The following THSD7A variants were observed in gnomAD, a reference collection of about 807,000 sequenced individuals.
THSD7A encodes the protein thrombospondin type 1 domain containing 7A.
In THSD7A, 96 loss-of-function variants were observed where a neutral mutation model predicts 231.3. The observed-to-expected ratio is 0.41, with a 90% CI of 0.35 to 0.49. The LOEUF is 0.49. Ranked by LOEUF, THSD7A falls within the 20% of genes least tolerant of loss-of-function variation. The pLI is 0.05. For missense variants in THSD7A, 2,290 were observed against 2,070.2 expected, an observed-to-expected ratio of 1.11 and a Z score of -2.06; for synonymous variants, 940 against 743.3, an observed-to-expected ratio of 1.26 and a Z score of -4.30.
chr7:11,810,604 G>A (rs1428805179), intron 1 of THSD7A, among the ~76,000 whole-genome samples: 1 of 152,170 alleles, frequency 6.6e-6, no homozygotes, highest in Non-Finnish European at 1.5e-5. Flanking sequence ...TGGAAATGGG[G>A]AGAATAACTT....
intron 23 of THSD7A, among the ~76,000 whole-genome samples, chr7:11,394,928 G>A (rs957875174): frequency 2.6e-5 from 4 of 152,140 alleles, no homozygotes; most frequent in Admixed American, 2.0e-4. Flanking sequence ...AAAATAACCA[G>A]CTAGGATCAC....
chr7:11,828,908 C>G (rs556678939), intron 1 of THSD7A, among the ~76,000 whole-genome samples: 1 of 152,124 alleles, frequency 6.6e-6, no homozygotes, highest in Non-Finnish European at 1.5e-5. Context: ...ACAAAACCAA[C>G]CCCTTATCTA....
At chr7:11,531,273 C>T (rs1788697207) in intron 6 of THSD7A, among the ~76,000 whole-genome samples, 1 of 152,124 alleles carries the variant, frequency 6.6e-6, no homozygotes, top group Non-Finnish European at 1.5e-5. Flanking sequence ...AAGCTATAGT[C>T]TCCTCACTGC....
chr7:11,677,720 G>A lies in THSD7A; in HGVS notation c.191-40759C>T, dbSNP rs572633550. On this transcript the variant is annotated intron_variant, in intron 1 of 27. Transcript: ENST00000423059. ...GTAAAGGGATCAATGCAACAAGAAG[G>A]CTTAGGCTGCCACACAATAATAGTG... Among the ~76,000 whole-genome samples the A allele has an allele frequency of 2.7e-5, 4 of 149,976 alleles. No individual in the cohort carries two copies. In the East Asian group the frequency reaches 5.9e-4, roughly 22 times the overall value.
chr7:11,776,642 C>A (rs1437799914), intron 1 of THSD7A, among the ~76,000 whole-genome samples: 1 of 151,954 alleles, frequency 6.6e-6, no homozygotes, highest in Non-Finnish European at 1.5e-5. Flanking sequence ...GTCATTAATT[C>A]TTTATACCAG....
At chr7:11,723,456 C>G (rs1000937566) in intron 1 of THSD7A, among the ~76,000 whole-genome samples, 2 of 151,130 alleles carry the variant, frequency 1.3e-5, no homozygotes, top group Non-Finnish European at 2.9e-5. Context: ...GCACATGTAC[C>G]CTAAAACTTA....
intron 23 of THSD7A, among the ~76,000 whole-genome samples, chr7:11,395,589 A>C (rs926515198): frequency 6.7e-6 from 1 of 148,506 alleles, no homozygotes; most frequent in African/African-American, 2.5e-5. Context: ...GTGCAGTGGC[A>C]CTATCTCAGC....
chr7:11,699,548 C>T (rs1046638069), intron 1 of THSD7A, among the ~76,000 whole-genome samples: 2 of 151,282 alleles, frequency 1.3e-5, no homozygotes, highest in East Asian at 2.0e-4. Context: ...TAACATAAAT[C>T]ATAAGTAAAA....
At chr7:11,647,473 G>C (rs1782326516) in intron 1 of THSD7A, among the ~76,000 whole-genome samples, 1 of 152,020 alleles carries the variant, frequency 6.6e-6, no homozygotes, top group African/African-American at 2.4e-5. Flanking sequence ...TTCGACTTAA[G>C]CCTCTAATAG....
At chr7:11,821,689 T>C (rs1427101249) in intron 1 of THSD7A, among the ~76,000 whole-genome samples, 1 of 152,150 alleles carries the variant, frequency 6.6e-6, no homozygotes, top group African/African-American at 2.4e-5. Flanking sequence ...GGACCATCTC[T>C]CTCTGACGTC....
intron 1 of THSD7A, among the ~76,000 whole-genome samples, chr7:11,675,402 C>T (rs746010524): frequency 4.6e-5 from 7 of 152,114 alleles, no homozygotes; most frequent in Non-Finnish European, 1.0e-4. Context: ...ACCTGGAATG[C>T]TAGCGAGACA....
chr7:11,467,630 T>C (rs2128300219), intron 9 of THSD7A, among the ~76,000 whole-genome samples: 1 of 152,254 alleles, frequency 6.6e-6, no homozygotes, highest in African/African-American at 2.4e-5. Context: ...GTGTTTTAGA[T>C]TTTTTATTTT....
At chr7:11,591,559 G>A (rs754467508) in intron 3 of THSD7A, among the ~76,000 whole-genome samples, 12 of 152,062 alleles carry the variant, frequency 7.9e-5, no homozygotes, top group African/African-American at 1.7e-4. Flanking sequence ...AAGGTTAAAC[G>A]GCCCTCAGAT....
rs1782160060 is a variant in THSD7A at position 11,373,882 on chromosome 7, G to T, written c.*1912C>A. ...GCTAGTGTCCTCTCTCACAAAGGTT[G>T]TTGCAATAATGTTGCCTGAAAATGG... On this transcript the variant is annotated 3_prime_UTR_variant, in exon 28 of 28. Transcript: ENST00000423059. The T allele has an allele frequency of 6.6e-6, 1 of 152,032 alleles. No individual in the cohort carries two copies. The allele number at this position is 152,032 out of a possible 1,614,324, so 9.4% of individuals were successfully genotyped here. A position where few individuals can be genotyped will look rare whatever the true frequency, so the allele number is the denominator to read the frequency against.
chr7:11,548,049 A>G (rs1250883526), intron 4 of THSD7A, among the ~76,000 whole-genome samples: 1 of 152,098 alleles, frequency 6.6e-6, no homozygotes, highest in Non-Finnish European at 1.5e-5. Context: ...AAAAACCCAC[A>G]AGCAAAACAA....
At chr7:11,691,097 TG>T (rs1176972848) in intron 1 of THSD7A, among the ~76,000 whole-genome samples, 1 of 151,660 alleles carries the variant, frequency 6.6e-6, no homozygotes, top group East Asian at 2.0e-4. Flanking sequence ...CTTTAAAACA[TG>T]GTCTTAAGGT....
In THSD7A at chr7:11,609,048, C is replaced by G. The variant is rs375500611; in HGVS notation, c.1023-15546G>C. 1.6e-4 allele frequency among the ~76,000 whole-genome samples: 24 copies of G among 152,274 alleles called. No homozygotes were observed. The South Asian group carries it at 5.0e-3, about 32-fold the overall frequency. On this transcript the variant is annotated intron_variant, in intron 2 of 27. Coordinates refer to ENST00000423059, the MANE Select transcript of THSD7A (RefSeq NM_015204.3). ...GTCATCACAGGTTTATGAGGATAAA[C>G]TGCCGTTGTTCTCTAATTTGCCCTT...
Position 11,401,931 on chromosome 7 carries a change from C to A in THSD7A, c.4275G>T (p.Leu1425=). ...CACCATTCACACAGGTCAGCTGACA[C>A]AGGCTCCAGGAAGACCAGTCCTTCA... ...CYLKDWSSWS[L]CQLTCVNGED... The change falls in exon 23 of 28, where the codon CTG becomes CTT. Residue 1425 remains leucine (L), a synonymous_variant. Coordinates refer to ENST00000423059, the MANE Select transcript of THSD7A (RefSeq NM_015204.3). 1 of 1,613,628 alleles carries A rather than the reference C, an allele frequency of 6.2e-7. No homozygotes were observed. Among genetic ancestry groups the A allele is most frequent in the Non-Finnish European group, 8.5e-7 (1 of 1,179,764 alleles).
At chr7:11,786,087 A>G (rs1052489221) in intron 1 of THSD7A, among the ~76,000 whole-genome samples, 1 of 150,664 alleles carries the variant, frequency 6.6e-6, no homozygotes, top group Non-Finnish European at 1.5e-5. Context: ...ATTCCCTTTT[A>G]TTTTAAATCT....
Sources: allele counts gnomAD v4.1 joint callset (sites outside exome capture counted in the v4.1 genomes callset), GRCh38; gene constraint gnomAD v4.1.1; transcripts MANE v1.5; gene names NCBI Gene and HGNC (gene_info 2026-07-23, HGNC 2026-07-21).